Variants in KAZN observed in about 807,000 individuals in gnomAD.
The protein encoded by KAZN is kazrin, periplakin interacting protein.
Under a neutral mutation model 87.4 loss-of-function variants are expected in KAZN, and 40 were observed. The observed-to-expected ratio is 0.46, with a 90% CI of 0.36 to 0.60. The LOEUF (loss-of-function observed/expected upper bound fraction) is 0.60, where lower values mean the gene tolerates loss of function less well. KAZN is among the 20% of genes least tolerant of loss of function. The probability of loss-of-function intolerance (pLI) is 0.00; values close to 1 mark genes in which losing one functional copy is unlikely to be tolerated. For synonymous variants in KAZN, 466 were observed against 458.3 expected (o/e 1.02, Z -0.22); for missense variants, 898 against 1,073.9 (o/e 0.84, Z 2.29).
intron 2 of KAZN, among the ~76,000 whole-genome samples, chr1:14,391,214 C>G (rs1662394067): frequency 6.6e-6 from 1 of 152,208 alleles, no homozygotes. Context: ...ACTCCCTGGG[C>G]TGTCTTTCCT....
intron 8 of KAZN, among the ~76,000 whole-genome samples, chr1:15,082,089 G>T (rs558834952): frequency 2.6e-5 from 4 of 152,116 alleles, no homozygotes; most frequent in Non-Finnish European, 5.9e-5. Flanking sequence ...AGCAGGGGAC[G>T]TTGCAACCTT....
At chr1:14,918,842 T>A (rs1468999708) in intron 1 of KAZN, among the ~76,000 whole-genome samples, 1 of 150,902 alleles carries the variant, frequency 6.6e-6, no homozygotes, top group Non-Finnish European at 1.5e-5. Flanking sequence ...TGGCAGCAGC[T>A]CCACCTGACA....
At chr1:13,919,079 A>G (rs1280720550) in intron 1 of KAZN, among the ~76,000 whole-genome samples, 1 of 152,242 alleles carries the variant, frequency 6.6e-6, no homozygotes, top group African/African-American at 2.4e-5. Flanking sequence ...GAAGTACAGC[A>G]TTTACTAATC....
chr1:14,592,677 G>A (rs898516190), intron 2 of KAZN, among the ~76,000 whole-genome samples: 1 of 152,216 alleles, frequency 6.6e-6, no homozygotes, highest in African/African-American at 2.4e-5. Flanking sequence ...GCTGCAGGGA[G>A]CAGGACCCCA....
intron 3 of KAZN, among the ~76,000 whole-genome samples, chr1:15,037,158 T>C (rs547410130): frequency 6.6e-6 from 1 of 152,156 alleles, no homozygotes; most frequent in Non-Finnish European, 1.5e-5. Flanking sequence ...CTTTTTTCAG[T>C]GGGCAAGGCA....
chr1:14,351,692 C>T (rs1658561609), intron 2 of KAZN, among the ~76,000 whole-genome samples: 1 of 152,202 alleles, frequency 6.6e-6, no homozygotes, highest in Admixed American at 6.6e-5. Context: ...AAAGAACAGC[C>T]CTTTGAAGAC....
intron 1 of KAZN, among the ~76,000 whole-genome samples, chr1:14,076,989 A>G (rs1367742453): frequency 6.6e-6 from 1 of 152,086 alleles, no homozygotes; most frequent in East Asian, 1.9e-4. Flanking sequence ...TGATTGATTC[A>G]TACACGTCTA....
rs1046379847 is a variant in KAZN at position 14,773,145 on chromosome 1, A to G, written c.226+173922A>G. 3.9e-5 allele frequency among the ~76,000 whole-genome samples: 6 copies of G among 152,156 alleles called. No individual in the cohort carries two copies. Among genetic ancestry groups the G allele is most frequent in the African/African-American group, 1.4e-4 (6 of 41,422 alleles). On this transcript the variant is annotated intron_variant, in intron 1 of 14. Coordinates refer to ENST00000376030, the MANE Select transcript of KAZN (RefSeq NM_201628.3). The surrounding 1 kb of genome is among the most constrained non-coding windows in gnomAD (Gnocchi z 5.9). Reference sequence around the variant, plus strand: ...GGTTGCCCTCTCCTGCATGTGGAAGAAGCTTGGCAAGATTAGAGGTGCCTG... The same window carrying G: ...GGTTGCCCTCTCCTGCATGTGGAAGGAGCTTGGCAAGATTAGAGGTGCCTG...
intron 1 of KAZN, among the ~76,000 whole-genome samples, chr1:14,956,606 CAA>C (rs35132323): frequency 5.8e-4 from 80 of 138,382 alleles, no homozygotes; most frequent in East Asian, 2.7e-3. Flanking sequence ...AACTCTATCT[CAA>C]AAAAAAAAAA....
chr1:14,732,091 C>G (rs1264323217), intron 1 of KAZN, among the ~76,000 whole-genome samples: 1 of 152,194 alleles, frequency 6.6e-6, no homozygotes, highest in Non-Finnish European at 1.5e-5. Context: ...CGACACCTGT[C>G]GGACCCTGGG....
chr1:14,398,720 C>T (rs548270358), intron 2 of KAZN, among the ~76,000 whole-genome samples: 80 of 152,258 alleles, frequency 5.3e-4, no homozygotes, highest in African/African-American at 1.9e-3. Flanking sequence ...TAAGCATTAG[C>T]ATGTTAAGGG....
intron 1 of KAZN, among the ~76,000 whole-genome samples, chr1:14,853,708 C>G (rs1220824701): frequency 6.6e-6 from 1 of 152,194 alleles, no homozygotes; most frequent in Non-Finnish European, 1.5e-5. Flanking sequence ...CTCTTGGCCC[C>G]TCTCCCAGCC....
rs1476357764 is a variant in KAZN at position 14,735,434 on chromosome 1, A to G, written c.226+136211A>G. Among the ~76,000 whole-genome samples the G allele has an allele frequency of 6.6e-6, 1 of 152,182 alleles. No individual in the cohort carries two copies. The highest frequency in any genetic ancestry group is 2.1e-4 in the South Asian group (1 of 4,834). On this transcript the variant is annotated intron_variant, in intron 1 of 14. Coordinates refer to ENST00000376030, the MANE Select transcript of KAZN (RefSeq NM_201628.3). This position sits in a 1 kb window ranked among gnomAD's most constrained non-coding sequence, Gnocchi z 4.3. ...AGGTATAGGATCTCCTTCTTCTTCC[A>G]GGCAGCCCTGCCCTGGTTTCCAGCC...
intron 1 of KAZN, among the ~76,000 whole-genome samples, chr1:14,098,605 A>T (rs1644180903): frequency 6.6e-6 from 1 of 152,162 alleles, no homozygotes; most frequent in Admixed American, 6.5e-5. Flanking sequence ...GCCCTCCAGC[A>T]TCCCTCTGCC....
rs549092023 is a variant in KAZN at position 14,251,643 on chromosome 1, CT to C, written c.249+71076del. Among the ~76,000 whole-genome samples the C allele has an allele frequency of 9.6e-3, 869 of 90,304 alleles. 3 individuals carry two copies. Among genetic ancestry groups the C allele is most frequent in the African/African-American group, 0.02 (345 of 17,058 alleles). 59.2% of individuals were successfully genotyped at this position (90,304 alleles called of 152,430 possible). Reference sequence around the variant, plus strand: ...AGGCACAGTGAAAAGTTCTCCCGGACTTTTTTTTTTTTTTTTTTTTTTTTTG... The same window carrying C: ...AGGCACAGTGAAAAGTTCTCCCGGACTTTTTTTTTTTTTTTTTTTTTTTTG... On this transcript the variant is annotated intron_variant, in intron 2 of 16. Coordinates refer to the KAZN transcript ENST00000636203.
rs72869060 is a variant in KAZN at position 14,376,558 on chromosome 1, G to A, written c.249+195966G>A. Among the ~76,000 whole-genome samples, 982 of 152,114 alleles carry A rather than the reference G, an allele frequency of 6.5e-3. 10 individuals are homozygous for A. The highest frequency in any genetic ancestry group is 0.022 in the African/African-American group (911 of 41,488). ...CCAGCACTATGCTCTTCAACTTCCCGGGCTCCAGAACCATGAGCCAAATAA... is the reference window on the plus strand; with the variant it reads ...CCAGCACTATGCTCTTCAACTTCCCAGGCTCCAGAACCATGAGCCAAATAA... On this transcript the variant is annotated intron_variant, in intron 2 of 16. Coordinates refer to the KAZN transcript ENST00000636203.
intron 3 of KAZN, among the ~76,000 whole-genome samples, chr1:15,039,041 C>T (rs12139352): frequency 7.2e-6 from 1 of 139,518 alleles, no homozygotes; most frequent in African/African-American, 2.7e-5. Flanking sequence ...TGTGCATCTA[C>T]TGTATACAGA....
At chr1:15,015,210 T>G (rs1669961827) in intron 2 of KAZN, among the ~76,000 whole-genome samples, 1 of 152,016 alleles carries the variant, frequency 6.6e-6, no homozygotes, top group Non-Finnish European at 1.5e-5. Context: ...TGGAGTGCAG[T>G]GGCGCGATCT....
intron 1 of KAZN, among the ~76,000 whole-genome samples, chr1:13,941,792 CAT>C (rs765353666): frequency 7.2e-5 from 11 of 152,152 alleles, no homozygotes; most frequent in East Asian, 1.9e-4. Context: ...CAACAAAACT[CAT>C]GTGTGTGAGA....
Sources: gnomAD v4.1 joint callset for allele counts (sites outside exome capture counted in the v4.1 genomes callset) on GRCh38, gnomAD v4.1.1 for gene constraint, Gnocchi (gnomAD v3.1) non-coding constraint, MANE v1.5 for transcripts, NCBI Gene and HGNC (gene_info 2026-07-23, HGNC 2026-07-21) for gene names.